ADARB2: variants seen among roughly 807,000 people sequenced by gnomAD.
ADARB2 encodes adenosine deaminase RNA specific B2 (inactive).
ADARB2 carries 25 observed loss-of-function variants against 62.2 expected under a neutral mutation model. The ratio of observed to expected loss-of-function variants is 0.40; its 90% CI spans 0.29 to 0.56. ADARB2 has a LOEUF of 0.56. ADARB2 is among the 20% of genes least tolerant of loss of function. The pLI is 0.43. For missense variants in ADARB2, 1,071 were observed against 1,077.4 expected, an observed-to-expected ratio of 0.99 and a Z score of 0.08; for synonymous variants, 572 against 500.8, an observed-to-expected ratio of 1.14 and a Z score of -1.90.
rs550736283 is a variant in ADARB2 at position 1,667,109 on chromosome 10, C to T, written c.100+69942G>A. Among the ~76,000 whole-genome samples the T allele has an allele frequency of 5.3e-5, 8 of 152,266 alleles. 1 individual carries two copies. The highest frequency in any genetic ancestry group is 2.1e-4 in the South Asian group (1 of 4,822). Reference sequence around the variant, plus strand: ...GTACATTTGTGTGAGGAATTATTTGCGTAAATTGTCCCAAATAGAATTTAA... The same window carrying T: ...GTACATTTGTGTGAGGAATTATTTGTGTAAATTGTCCCAAATAGAATTTAA... On this transcript the variant is annotated intron_variant, in intron 1 of 9. Coordinates refer to ENST00000381312, the MANE Select transcript of ADARB2 (RefSeq NM_018702.4).
intron 1 of ADARB2, among the ~76,000 whole-genome samples, chr10:1,495,653 C>T (rs1231922102): frequency 1.5e-5 from 1 of 66,206 alleles, no homozygotes; most frequent in African/African-American, 4.3e-5. Context: ...ATGAAAAGTA[C>T]AAACTTTTCT....
intron 6 of ADARB2, among the ~76,000 whole-genome samples, chr10:1,222,719 T>C (rs1463610835): frequency 6.7e-6 from 1 of 149,566 alleles, no homozygotes; most frequent in African/African-American, 2.6e-5. Context: ...AAAGATCAGA[T>C]GGTTGTAGAT....
intron 1 of ADARB2, among the ~76,000 whole-genome samples, chr10:1,397,919 C>T (rs1434233410): frequency 3.1e-3 from 379 of 123,570 alleles, no homozygotes; most frequent in Middle Eastern, 4.6e-3. Context: ...CCTGGGTCAC[C>T]GTCCTCCTCT....
chr10:1,186,069 A>G (rs7909417), intron 8 of ADARB2, among the ~76,000 whole-genome samples: 20,262 of 152,256 alleles, frequency 0.13, 1,651 homozygotes, highest in East Asian at 0.29. Flanking sequence ...TGAGGATTCC[A>G]AAACATGAGA....
In ADARB2 at chr10:1,180,866, G is replaced by A. The variant is rs1227288696; in HGVS notation, c.*2327C>T. ...TACTAATGGGTAGCATGGAATTAAT[G>A]TGTGGCTTTCTCCAGATGTGGATGT... On this transcript the variant is annotated 3_prime_UTR_variant, in exon 10 of 10. Transcript: ENST00000381312. 5 of 152,266 alleles carry A rather than the reference G, an allele frequency of 3.3e-5. No homozygotes were observed. Among genetic ancestry groups the A allele is most frequent in the Non-Finnish European group, 7.3e-5 (5 of 68,066 alleles). 9.4% of individuals were successfully genotyped at this position (152,266 alleles called of 1,614,324 possible). A position where few individuals can be genotyped will look rare whatever the true frequency, so the allele number is the denominator to read the frequency against.
intron 1 of ADARB2, among the ~76,000 whole-genome samples, chr10:1,514,592 G>A (rs1242935827): frequency 5.9e-5 from 9 of 152,054 alleles, no homozygotes; most frequent in African/African-American, 1.7e-4. Flanking sequence ...CCTGCACAGC[G>A]GCCCCTGGCC....
At chr10:1,585,888 G>T (rs900105253) in intron 1 of ADARB2, among the ~76,000 whole-genome samples, 1 of 152,208 alleles carries the variant, frequency 6.6e-6, no homozygotes. Context: ...CAAAAAACTG[G>T]CTGGGTGGGG....
intron 1 of ADARB2, among the ~76,000 whole-genome samples, chr10:1,470,915 C>T (rs1345269605): frequency 2.0e-5 from 3 of 152,084 alleles, no homozygotes; most frequent in African/African-American, 7.2e-5. Context: ...AAAAATTAGC[C>T]GGGCATGGTG....
At chr10:1,559,659 G>A (rs182440921) in intron 1 of ADARB2, among the ~76,000 whole-genome samples, 15 of 152,322 alleles carry the variant, frequency 9.8e-5, no homozygotes, top group Admixed American at 3.9e-4. Context: ...GGAACAGGGC[G>A]AGAATCACAC....
chr10:1,205,001 G>T (rs953021525), intron 7 of ADARB2, among the ~76,000 whole-genome samples: 1 of 152,210 alleles, frequency 6.6e-6, no homozygotes, highest in South Asian at 2.1e-4. Flanking sequence ...TGCAGCTTGG[G>T]ATGCCTCAGC....
chr10:1,684,927 G>A (rs1272619454), intron 1 of ADARB2, among the ~76,000 whole-genome samples: 2 of 152,144 alleles, frequency 1.3e-5, no homozygotes, highest in African/African-American at 4.8e-5. Context: ...TGCAAGTTCC[G>A]AGTGGGGGCC....
At chr10:1,288,723 T>C (rs1465930185) in intron 3 of ADARB2, among the ~76,000 whole-genome samples, 1 of 152,216 alleles carries the variant, frequency 6.6e-6, no homozygotes, top group Non-Finnish European at 1.5e-5. Context: ...CCCAAACTCC[T>C]GGAGCAGGCA....
intron 1 of ADARB2, among the ~76,000 whole-genome samples, chr10:1,449,272 C>T (rs1471462772): frequency 1.3e-5 from 2 of 152,270 alleles, no homozygotes; most frequent in East Asian, 1.9e-4. Flanking sequence ...GGCCAGTATC[C>T]CTTAGTTTTG....
At chr10:1,243,585 G>A (rs373765384) in intron 4 of ADARB2, among the ~76,000 whole-genome samples, 3 of 152,202 alleles carry the variant, frequency 2.0e-5, no homozygotes, top group Non-Finnish European at 4.4e-5. Flanking sequence ...GGGCCTCACC[G>A]TGGGATCTTT....
chr10:1,721,336 T>G (rs1327072271), intron 1 of ADARB2, among the ~76,000 whole-genome samples: 2 of 152,238 alleles, frequency 1.3e-5, no homozygotes, highest in Non-Finnish European at 2.9e-5. Flanking sequence ...AATGTTGACG[T>G]TGACATAAAA....
intron 1 of ADARB2, among the ~76,000 whole-genome samples, chr10:1,637,172 T>C (rs1833927359): frequency 1.3e-5 from 2 of 152,192 alleles, no homozygotes; most frequent in African/African-American, 4.8e-5. Context: ...GAGATTTCTT[T>C]TACCACAAGT....
chr10:1,528,706 C>G (rs539324785), intron 1 of ADARB2, among the ~76,000 whole-genome samples: 1 of 152,294 alleles, frequency 6.6e-6, no homozygotes, highest in African/African-American at 2.4e-5. Flanking sequence ...AGGTGATGCC[C>G]TTTGTAGTGA....
chr10:1,217,040 G>A lies in ADARB2; in HGVS notation c.1593C>T (p.Pro531=), dbSNP rs1486373466. 20 of 1,611,264 alleles carry A rather than the reference G, an allele frequency of 1.2e-5. No individual in the cohort carries two copies. Among genetic ancestry groups the A allele is most frequent in the Non-Finnish European group, 1.5e-5 (18 of 1,179,208 alleles). ...TCTGCACTGCGCTGGGGCCACGCACGGGGACCGTCCCTTCCCCGGACTCGA... is the reference window on the plus strand; with the variant it reads ...TCTGCACTGCGCTGGGGCCACGCACAGGGACCGTCCCTTCCCCGGACTCGA... ...TKIESGEGTV[P]VRGPSAVQTW... Residue 531 remains proline, a synonymous_variant, in exon 7 of 10, where the codon CCC becomes CCT. Transcript: ENST00000381312.
At chr10:1,497,643 A>G (rs1178405819) in intron 1 of ADARB2, among the ~76,000 whole-genome samples, 1 of 152,366 alleles carries the variant, frequency 6.6e-6, no homozygotes, top group South Asian at 2.1e-4. Context: ...TATGCTTTTT[A>G]TACACTAATC....
Sources: gnomAD v4.1 joint callset for allele counts (sites outside exome capture counted in the v4.1 genomes callset) on GRCh38, gnomAD v4.1.1 for gene constraint, MANE v1.5 for transcripts, NCBI Gene and HGNC (gene_info 2026-07-23, HGNC 2026-07-21) for gene names.